TBL1X: variants seen among roughly 807,000 people sequenced by gnomAD.
The protein encoded by TBL1X is F-box-like/WD repeat-containing protein TBL1X.
A neutral mutation model predicts 50.7 loss-of-function variants in TBL1X; 10 were observed. That is an observed-to-expected ratio of 0.20 (90% confidence interval 0.12 to 0.33). TBL1X has a LOEUF of 0.33. TBL1X is among the 10% of genes least tolerant of loss of function. The pLI, the probability that TBL1X is intolerant of heterozygous loss-of-function variation, is 1.00. For missense variants in TBL1X, 340 were observed against 504.4 expected, an observed-to-expected ratio of 0.67 and a Z score of 3.12; for synonymous variants, 190 against 214.7, an observed-to-expected ratio of 0.88 and a Z score of 1.01.
At chrX:9,646,068 G>A (rs1032548549) in intron 3 of TBL1X, among the ~76,000 whole-genome samples, 1 of 112,521 alleles carries the variant, frequency 8.9e-6, no homozygotes, top group Non-Finnish European at 1.9e-5. Flanking sequence ...TAAGAGTAAT[G>A]GTCATATTTA....
At chrX:9,539,111 A>G in intron 2 of TBL1X, among the ~76,000 whole-genome samples, 1 of 112,414 alleles carries the variant, frequency 8.9e-6, no homozygotes, top group East Asian at 2.8e-4. Context: ...CAAAATGAGG[A>G]AAAGGATACA....
At chrX:9,584,934 G>C (rs1443795964) in intron 2 of TBL1X, among the ~76,000 whole-genome samples, 1 of 111,373 alleles carries the variant, frequency 9.0e-6, no homozygotes. Context: ...GTATAACATT[G>C]TGAATGCCCC....
At chrX:9,464,447 A>G (rs968485098), upstream of TBL1X, among the ~76,000 whole-genome samples, 1 of 110,445 alleles carries the variant, frequency 9.1e-6, no homozygotes, top group Non-Finnish European at 1.9e-5. Context: ...CGGAACCCCC[A>G]CTTTTTGAGC....
At chrX:9,628,845 G>A (rs2082706214) in intron 2 of TBL1X, among the ~76,000 whole-genome samples, 1 of 112,244 alleles carries the variant, frequency 8.9e-6, no homozygotes, top group Middle Eastern at 4.2e-3. Context: ...ACTGCGCCTG[G>A]CAGACTTGGA....
chrX:9,684,397 C>T (rs1365826599), intron 6 of TBL1X, among the ~76,000 whole-genome samples: 1 of 109,940 alleles, frequency 9.1e-6, no homozygotes, highest in Non-Finnish European at 1.9e-5. Flanking sequence ...CCAGCCTGGA[C>T]AACATGGTGT....
chrX:9,489,683 C>T (rs191414699), intron 1 of TBL1X, among the ~76,000 whole-genome samples: 111 of 111,600 alleles, frequency 9.9e-4, no homozygotes, highest in African/African-American at 3.5e-3. Flanking sequence ...TTGTCACTAC[C>T]CCTAACATCC....
intron 2 of TBL1X, among the ~76,000 whole-genome samples, chrX:9,536,365 G>A (rs756748846): frequency 2.8e-5 from 3 of 108,712 alleles, no homozygotes; most frequent in Non-Finnish European, 5.7e-5. Context: ...ATTCTTCTGC[G>A]TCAGCCTCCG....
intron 2 of TBL1X, among the ~76,000 whole-genome samples, chrX:9,551,832 C>G (rs757380738): frequency 6.3e-5 from 7 of 111,865 alleles, no homozygotes; most frequent in Non-Finnish European, 1.9e-5. Flanking sequence ...CAGAGTCATC[C>G]AGAGCATCGA....
At chrX:9,692,792 G>A (rs1325921063) in intron 9 of TBL1X, among the ~76,000 whole-genome samples, 2 of 112,469 alleles carry the variant, frequency 1.8e-5, no homozygotes, top group Non-Finnish European at 3.8e-5. Context: ...TTGCACGTGA[G>A]CATGCCTTAG....
chrX:9,492,879 G>A lies in TBL1X; in HGVS notation c.-200-8901G>A, dbSNP rs1569206118. On this transcript the variant is annotated intron_variant, in intron 1 of 17. Coordinates refer to ENST00000645353, the MANE Select transcript of TBL1X (RefSeq NM_005647.4). ...TGTGTGTGTGTGTGTGTGTGTGTGT[G>A]TGTGTGTGTGTGTGTGTGTAGGGGA... 7.7e-5 allele frequency among the ~76,000 whole-genome samples: 4 copies of A among 51,875 alleles called. 1 individual carries two copies. Among genetic ancestry groups the A allele is most frequent in the Non-Finnish European group, 1.5e-4 (4 of 26,788 alleles). 45.0% of individuals were successfully genotyped at this position (51,875 alleles called of 115,157 possible). A position where few individuals can be genotyped will look rare whatever the true frequency, so the allele number is the denominator to read the frequency against.
chrX:9,675,891 CAAA>C (rs1175476577), intron 5 of TBL1X, among the ~76,000 whole-genome samples: 3 of 58,289 alleles, frequency 5.1e-5, no homozygotes, highest in Admixed American at 4.2e-4. Context: ...AACTCTGTCT[CAAA>C]AAAAAAAAAA....
At chrX:9,580,822 T>A (rs1222965905) in intron 2 of TBL1X, among the ~76,000 whole-genome samples, 1 of 111,683 alleles carries the variant, frequency 9.0e-6, no homozygotes, top group African/African-American at 3.3e-5. Context: ...CTTAAGAGGT[T>A]GTGGTGACCA....
chrX:9,607,890 TACAGCCTCA>T (rs2146555178), intron 2 of TBL1X, among the ~76,000 whole-genome samples: 1 of 110,119 alleles, frequency 9.1e-6, no homozygotes, highest in Admixed American at 9.7e-5. Context: ...CATAGCTCAC[TACAGCCTCA>T]ACCTCCTGGG....
At chrX:9,597,008 G>A (rs900804851) in intron 2 of TBL1X, among the ~76,000 whole-genome samples, 1 of 111,340 alleles carries the variant, frequency 9.0e-6, no homozygotes, top group African/African-American at 3.3e-5. Flanking sequence ...AACCATGCCC[G>A]GAGTATCTAG....
intron 1 of TBL1X, among the ~76,000 whole-genome samples, chrX:9,476,253 A>G (rs1677159377): frequency 8.9e-6 from 1 of 112,170 alleles, no homozygotes; most frequent in African/African-American, 3.2e-5. Flanking sequence ...AAGCAGATGC[A>G]GAGTATATTT....
At chrX:9,486,589 ACC>A (rs369631747) in intron 1 of TBL1X, among the ~76,000 whole-genome samples, 25,573 of 99,118 alleles carry the variant, frequency 0.26, 3,427 homozygotes, top group African/African-American at 0.49. Flanking sequence ...CAGAACACAC[ACC>A]CCCCCCCCAC....
chrX:9,712,613 A>T (rs1370502239), intron 16 of TBL1X, among the ~76,000 whole-genome samples: 1 of 112,582 alleles, frequency 8.9e-6, no homozygotes, highest in Non-Finnish European at 1.9e-5. Context: ...CTGGGATTAC[A>T]GGTGTGAGCC....
chrX:9,490,876 T>C (rs1398623700), intron 1 of TBL1X, among the ~76,000 whole-genome samples: 1 of 112,160 alleles, frequency 8.9e-6, no homozygotes, highest in African/African-American at 3.2e-5. Context: ...TTTATTAGAT[T>C]TCTATTATGA....
chrX:9,669,786 C>G (rs1211263462), intron 5 of TBL1X, among the ~76,000 whole-genome samples: 2 of 111,664 alleles, frequency 1.8e-5, no homozygotes, highest in African/African-American at 6.5e-5. Context: ...GCAGTCGTCT[C>G]TTCTTTTTCC....
Sources: gnomAD v4.1 joint callset for allele counts (sites outside exome capture counted in the v4.1 genomes callset) on GRCh38, gnomAD v4.1.1 for gene constraint, MANE v1.5 for transcripts, NCBI Gene and HGNC (gene_info 2026-07-23, HGNC 2026-07-21) for gene names.